ALOXE3: variants seen among roughly 807,000 people sequenced by gnomAD.
The protein encoded by ALOXE3 is arachidonate epidermal lipoxygenase 3.
Under a neutral mutation model 87.5 loss-of-function variants are expected in ALOXE3, and 78 were observed. The ratio of observed to expected loss-of-function variants is 0.89; its 90% CI spans 0.74 to 1.08. The LOEUF is 1.08. ALOXE3 is among the 50% of genes least tolerant of loss of function. The pLI is 0.00. For missense variants in ALOXE3, 946 were observed against 912.4 expected (o/e 1.04, Z -0.47); for synonymous variants, 363 against 370.8 (o/e 0.98, Z 0.24).
chr17:8,106,115 G>C (rs1488034481), intron 13 of ALOXE3, among the ~76,000 whole-genome samples: 1 of 151,760 alleles, frequency 6.6e-6, no homozygotes, highest in Non-Finnish European at 1.5e-5. Context: ...GGGAGAGGTG[G>C]GACTGGTTGA....
chr17:8,114,246 T>C (rs1172123124), intron 6 of ALOXE3, among the ~76,000 whole-genome samples: 1 of 124,870 alleles, frequency 8.0e-6, no homozygotes, highest in East Asian at 2.4e-4. Flanking sequence ...GGCTGAGGAG[T>C]CTGGGGGCAG....
chr17:8,098,020 T>C (rs1329149578), intron 15 of ALOXE3, among the ~76,000 whole-genome samples: 2 of 152,120 alleles, frequency 1.3e-5, no homozygotes, highest in East Asian at 3.9e-4. Context: ...GTGCTGGGAT[T>C]ACAGATGTGA....
intron 15 of ALOXE3, among the ~76,000 whole-genome samples, chr17:8,102,221 G>C (rs1335662501): frequency 6.6e-6 from 1 of 152,182 alleles, no homozygotes; most frequent in Non-Finnish European, 1.5e-5. Context: ...GCGGCCGTGC[G>C]CGGTGGCTCA....
intron 6 of ALOXE3, among the ~76,000 whole-genome samples, chr17:8,112,735 T>C (rs548371869): frequency 1.6e-4 from 25 of 152,274 alleles, no homozygotes; most frequent in Admixed American, 1.5e-3. Context: ...TGCATACTCT[T>C]CACTTTGTGG....
chr17:8,117,807 C>A, intron 2 of ALOXE3, 37 bp downstream of exon 2: 2 of 1,602,314 alleles, frequency 1.2e-6, no homozygotes, highest in Non-Finnish European at 1.7e-6. Context: ...GCCCCTGCCC[C>A]TCTGAGGTCG....
In ALOXE3 at chr17:8,104,165, C is replaced by T. The variant is rs1199817969; in HGVS notation, c.1735G>A (p.Ala579Thr). The change falls in exon 14 of 16, where the codon GCA (alanine) becomes ACA (threonine). Residue 579 changes from alanine to threonine, a missense_variant. Physicochemically the swap from Ala to Thr is moderately conservative, Grantham distance 58 (BLOSUM62 0). Transcript: ENST00000448843. ...TGGGCAGAGCAATTGAAGATGATTG[C>T]AGTGAGGAACTTCACCATCTCTCCT... Reference protein sequence around the residue: ...TPGEMVKFLTAIIFNCSAQHA... With the variant: ...TPGEMVKFLTTIIFNCSAQHA... The T allele has an allele frequency of 3.4e-5, 55 of 1,613,942 alleles. No individual in the cohort carries two copies. The highest frequency in any genetic ancestry group is 4.3e-5 in the Non-Finnish European group (51 of 1,179,978).
At chr17:8,118,873 T>A (rs1980850367), upstream of ALOXE3, 7 of 1,516,986 alleles carry the variant, frequency 4.6e-6, no homozygotes, top group Non-Finnish European at 6.1e-6. Context: ...GAGGAACCTC[T>A]CAGAGAAGCC....
rs57734930 is a variant in ALOXE3, at chr17:8,107,565, T to C, written c.1684+903A>G. Among the ~76,000 whole-genome samples the C allele has an allele frequency of 9.4e-3, 1,432 of 151,686 alleles. 20 individuals are homozygous for C. Among genetic ancestry groups the C allele is most frequent in the African/African-American group, 0.033 (1,357 of 41,324 alleles). On this transcript the variant is annotated intron_variant, in intron 13 of 15. Transcript: ENST00000448843. ...CTGTAATCCCAGCACTTTGGGAGGC[T>C]GAGGCGGGCGGATCATGAGGTCAGG...
chr17:8,118,694 A>T, upstream of ALOXE3: 1 of 1,537,196 alleles, frequency 6.5e-7, no homozygotes, highest in African/African-American at 1.4e-5. Flanking sequence ...GGCACGCCCG[A>T]CCTCATTCTC....
intron 13 of ALOXE3, among the ~76,000 whole-genome samples, chr17:8,106,249 A>C (rs1023015205): frequency 3.9e-5 from 6 of 152,138 alleles, no homozygotes; most frequent in Admixed American, 2.6e-4. Flanking sequence ...AAGAGAACTA[A>C]GGTTTGGAGT....
chr17:8,118,748 G>T, upstream of ALOXE3: 3 of 1,537,310 alleles, frequency 2.0e-6, no homozygotes, highest in East Asian at 2.4e-5. Context: ...TACAGCGCCG[G>T]CAAACAGGGT....
chr17:8,105,108 C>T (rs1283716512), intron 13 of ALOXE3, among the ~76,000 whole-genome samples: 2 of 152,228 alleles, frequency 1.3e-5, no homozygotes, highest in African/African-American at 4.8e-5. Flanking sequence ...CGTCACCCCT[C>T]GCTAAAACCC....
At chr17:8,117,579 C>T (rs143896795) in intron 2 of ALOXE3, among the ~76,000 whole-genome samples, 1 of 152,190 alleles carries the variant, frequency 6.6e-6, no homozygotes, top group Non-Finnish European at 1.5e-5. Flanking sequence ...AAGCGACTTG[C>T]CCAAAGCCCA....
chr17:8,097,838 C>T (rs547196508), intron 15 of ALOXE3, among the ~76,000 whole-genome samples: 149 of 151,526 alleles, frequency 9.8e-4, no homozygotes, highest in Non-Finnish European at 1.6e-3. Flanking sequence ...AGCTCTACCT[C>T]CCGGGTTCAC....
Position 8,105,914 on chromosome 17 carries a change from C to CAAAAAAA in ALOXE3, c.1685-1706_1685-1700dup. 4.6e-5 allele frequency among the ~76,000 whole-genome samples: 2 copies of CAAAAAAA among 43,150 alleles called. 1 individual carries two copies. The highest frequency in any genetic ancestry group is 7.9e-5 in the Non-Finnish European group (2 of 25,170). The allele number at this position is 43,150 out of a possible 152,430, so 28.3% of individuals were successfully genotyped here. On this transcript the variant is annotated intron_variant, in intron 13 of 15. Transcript: ENST00000448843. ...TGAGCATCAAAGTGAGACCCCGCCT[C>CAAAAAAA]AAAAAAAAAAAAAAAAAAAAAAAGC...
chr17:8,110,075 C>G lies in ALOXE3; in HGVS notation c.1305+17G>C. 2 of 1,602,736 alleles carry G rather than the reference C, an allele frequency of 1.2e-6. No homozygotes were observed. Among genetic ancestry groups the G allele is most frequent in the African/African-American group, 1.4e-5 (1 of 72,306 alleles). On this transcript the variant is annotated intron_variant, in intron 10 of 15. Transcript: ENST00000448843. The stretch of plus-strand genomic sequence containing the variant: ...CCCGGCCCCTGCCCCGCTGGGCCCC[C>G]ACCCGGGGTCGCGGACCTTGTAGAT...
chr17:8,109,870 A>C (rs1979873369), intron 11 of ALOXE3, 46 bp downstream of exon 11: 1 of 1,525,660 alleles, frequency 6.6e-7, no homozygotes, highest in African/African-American at 1.4e-5. Context: ...AGCGGGGCAA[A>C]GCGTCTTCGG....
At chr17:8,117,702 C>A in intron 2 of ALOXE3, 142 bp downstream of exon 2, 1 of 1,502,646 alleles carries the variant, frequency 6.7e-7, no homozygotes, top group Non-Finnish European at 8.9e-7. Flanking sequence ...CCAGGAAAGA[C>A]AGGGACCTCA....
At chr17:8,107,105 T>C (rs1420472427) in intron 13 of ALOXE3, among the ~76,000 whole-genome samples, 1 of 152,128 alleles carries the variant, frequency 6.6e-6, no homozygotes, top group African/African-American at 2.4e-5. Context: ...CTTTGGGTCT[T>C]AAGTAGGAAA....
Sources: allele counts gnomAD v4.1 joint callset (sites outside exome capture counted in the v4.1 genomes callset), GRCh38; gene constraint gnomAD v4.1.1; transcripts MANE v1.5; gene names NCBI Gene and HGNC (gene_info 2026-07-23, HGNC 2026-07-21).